Variants in TRPC5 observed in about 807,000 individuals in gnomAD.
TRPC5 encodes transient receptor potential cation channel subfamily C member 5, also known as short transient receptor potential channel 5.
TRPC5 carries 9 observed loss-of-function variants against 56.5 expected under a neutral mutation model. That is an observed-to-expected ratio of 0.16 (90% CI 0.10 to 0.28). TRPC5 has a LOEUF of 0.28. Among genes scored for constraint, TRPC5 ranks in the 10% least tolerant of loss-of-function variants. The pLI is 1.00. For synonymous variants in TRPC5, 282 were observed against 278.5 expected (o/e 1.01, Z -0.13); for missense variants, 469 against 748.9 (o/e 0.63, Z 4.36).
intron 3 of TRPC5, among the ~76,000 whole-genome samples, chrX:111,887,179 C>G (rs1484823235): frequency 8.9e-6 from 1 of 112,487 alleles, no homozygotes; most frequent in Non-Finnish European, 1.9e-5. Flanking sequence ...TATGCTATTA[C>G]ATTGCTTTGG....
intron 2 of TRPC5, among the ~76,000 whole-genome samples, chrX:111,936,504 C>T: frequency 9.1e-6 from 1 of 109,876 alleles, no homozygotes; most frequent in Non-Finnish European, 1.9e-5. Context: ...CTCCCCACAC[C>T]CCACAACAGG....
intron 6 of TRPC5, among the ~76,000 whole-genome samples, chrX:111,838,772 G>A (rs753231565): frequency 2.5e-4 from 28 of 111,539 alleles, no homozygotes; most frequent in Non-Finnish European, 4.0e-4. Context: ...TCCACAAATA[G>A]ATCACAAAGC....
intron 1 of TRPC5, among the ~76,000 whole-genome samples, chrX:112,002,283 C>T (rs189980354): frequency 6.0e-4 from 67 of 111,851 alleles, no homozygotes; most frequent in African/African-American, 2.0e-3. Context: ...TTCCCCTTTG[C>T]TTACTGGGTT....
chrX:111,929,642 A>G (rs963100337), intron 2 of TRPC5, among the ~76,000 whole-genome samples: 4 of 112,217 alleles, frequency 3.6e-5, no homozygotes, highest in Non-Finnish European at 7.5e-5. Flanking sequence ...TTGCCTCTCT[A>G]CTAAGCCAAT....
At chrX:111,855,536 G>A (rs1923199838) in intron 3 of TRPC5, among the ~76,000 whole-genome samples, 1 of 111,731 alleles carries the variant, frequency 9.0e-6, no homozygotes, top group African/African-American at 3.3e-5. Context: ...TGTTGTGTTT[G>A]AGCCATTATA....
At chrX:112,064,856 C>T (rs1272776314) in intron 1 of TRPC5, among the ~76,000 whole-genome samples, 6 of 110,885 alleles carry the variant, frequency 5.4e-5, no homozygotes, top group Non-Finnish European at 1.1e-4. Flanking sequence ...GGGCGGATCA[C>T]GAGGTCAGGA....
At chrX:111,834,439 G>A (rs1603049126) in intron 7 of TRPC5, among the ~76,000 whole-genome samples, 1 of 111,057 alleles carries the variant, frequency 9.0e-6, no homozygotes, top group Admixed American at 9.6e-5. Flanking sequence ...TTTTAAAATA[G>A]GAAAAAACGT....
chrX:111,817,323 A>AT (rs148024546), intron 7 of TRPC5, among the ~76,000 whole-genome samples: 3,468 of 82,876 alleles, frequency 0.042, 143 homozygotes, highest in African/African-American at 0.088. Flanking sequence ...CTCTTATCTG[A>AT]TTTTTTTTTT....
At chrX:111,932,726 G>C (rs114745579) in intron 2 of TRPC5, among the ~76,000 whole-genome samples, 5,824 of 111,346 alleles carry the variant, frequency 0.052, 375 homozygotes, top group African/African-American at 0.18. Context: ...CAACTAAGAT[G>C]AAAGAAAAAA....
In TRPC5 at chrX:111,772,437, T is replaced by A. The variant is rs1445286869; in HGVS notation, c.*3876A>T. 9.0e-6 allele frequency among the ~76,000 whole-genome samples: 1 copy of A among 111,456 alleles called. No homozygotes were observed. Among genetic ancestry groups the A allele is most frequent in the Admixed American group, 9.6e-5 (1 of 10,446 alleles). On this transcript the variant is annotated 3_prime_UTR_variant, in exon 11 of 11. Coordinates refer to ENST00000262839, the MANE Select transcript of TRPC5 (RefSeq NM_012471.3). ...ATATACTCAATTTTTCTTAGGTACC[T>A]TTATTTATTTATTTTTGAGACAGTC... is the stretch of plus-strand genomic sequence containing the variant.
rs189389103 is a variant in TRPC5, at chrX:111,942,173, G to A, written c.378+9870C>T. 5.6e-4 allele frequency among the ~76,000 whole-genome samples: 62 copies of A among 110,377 alleles called. 2 individuals are homozygous for A. The East Asian group carries it at 0.015, about 27-fold the overall frequency. On this transcript the variant is annotated intron_variant, in intron 2 of 10. Coordinates refer to ENST00000262839, the MANE Select transcript of TRPC5 (RefSeq NM_012471.3). ...GTGTAGTTGTTTAATTGTTGTTTTCGTACTTTTTGTGGAGGGGATGAATGT... is the reference window on the plus strand; with the variant it reads ...GTGTAGTTGTTTAATTGTTGTTTTCATACTTTTTGTGGAGGGGATGAATGT...
intron 1 of TRPC5, among the ~76,000 whole-genome samples, chrX:111,967,432 C>A (rs996702161): frequency 9.0e-6 from 1 of 111,350 alleles, no homozygotes; most frequent in Non-Finnish European, 1.9e-5. Flanking sequence ...TCAATGCCAT[C>A]CCCATCAAGC....
chrX:112,080,027 A>C (rs969188706), intron 1 of TRPC5, among the ~76,000 whole-genome samples: 1 of 111,768 alleles, frequency 8.9e-6, no homozygotes, highest in Non-Finnish European at 1.9e-5. Context: ...CCCGGTCTTT[A>C]GTATATCTAT....
chrX:111,998,834 G>A (rs1928617341), intron 1 of TRPC5, among the ~76,000 whole-genome samples: 1 of 112,096 alleles, frequency 8.9e-6, no homozygotes, highest in African/African-American at 3.2e-5. Context: ...TGTTCAGTCT[G>A]AGTTTGGTTG....
intron 1 of TRPC5, among the ~76,000 whole-genome samples, chrX:112,047,108 T>C (rs759507664): frequency 3.3e-4 from 37 of 111,289 alleles, no homozygotes; most frequent in Non-Finnish European, 5.3e-4. Context: ...TTAAGCATAG[T>C]AGATGCTCAA....
At chrX:111,939,886 T>G (rs1010368986) in intron 2 of TRPC5, among the ~76,000 whole-genome samples, 3 of 111,836 alleles carry the variant, frequency 2.7e-5, no homozygotes, top group Non-Finnish European at 5.6e-5. Context: ...TCAATTTCAT[T>G]TATTTCTGCT....
At chrX:111,802,136 C>T (rs1017830859) in intron 7 of TRPC5, among the ~76,000 whole-genome samples, 2 of 111,936 alleles carry the variant, frequency 1.8e-5, no homozygotes, top group African/African-American at 6.5e-5. Context: ...AAAGACTAGT[C>T]TTTCTCCATT....
chrX:111,991,718 T>C (rs997002279), intron 1 of TRPC5, among the ~76,000 whole-genome samples: 11 of 112,344 alleles, frequency 9.8e-5, no homozygotes, highest in African/African-American at 3.6e-4. Flanking sequence ...TTGATAGGTT[T>C]TTTTAAAAAA....
intron 1 of TRPC5, among the ~76,000 whole-genome samples, chrX:111,966,123 G>C (rs1158759703): frequency 9.0e-6 from 1 of 111,234 alleles, no homozygotes; most frequent in Non-Finnish European, 1.9e-5. Flanking sequence ...TCAAATAGAT[G>C]CAATAAAAAA....
Sources: gnomAD v4.1 joint callset for allele counts (sites outside exome capture counted in the v4.1 genomes callset) on GRCh38, gnomAD v4.1.1 for gene constraint, MANE v1.5 for transcripts, NCBI Gene and HGNC (gene_info 2026-07-23, HGNC 2026-07-21) for gene names.